LRRTM4: variants seen among roughly 807,000 people sequenced by gnomAD.
The protein encoded by LRRTM4 is leucine rich repeat transmembrane neuronal 4.
In LRRTM4, 25 loss-of-function variants were observed where a neutral mutation model predicts 47.6. The observed-to-expected ratio is 0.53, with a 90% CI of 0.38 to 0.73. LRRTM4 has a LOEUF of 0.73. Ranked by LOEUF, LRRTM4 falls within the 30% of genes least tolerant of loss-of-function variation. LRRTM4 has a pLI of 0.00. For synonymous variants in LRRTM4, 311 were observed against 269.5 expected, an observed-to-expected ratio of 1.15 and a Z score of -1.51; for missense variants, 638 against 713.4, an observed-to-expected ratio of 0.89 and a Z score of 1.20.
intron 3 of LRRTM4, among the ~76,000 whole-genome samples, chr2:77,382,356 G>T (rs1673087328): frequency 6.6e-6 from 1 of 152,066 alleles, no homozygotes; most frequent in Non-Finnish European, 1.5e-5. Flanking sequence ...CCCTGCGCTT[G>T]TCAACATCAG....
intron 3 of LRRTM4, among the ~76,000 whole-genome samples, chr2:77,081,525 G>C (rs1005840707): frequency 8.6e-5 from 13 of 151,948 alleles, no homozygotes; most frequent in African/African-American, 3.1e-4. Context: ...TGTGCACATA[G>C]AGGTAAACAT....
chr2:77,276,577 A>G (rs1676362064), intron 3 of LRRTM4, among the ~76,000 whole-genome samples: 2 of 149,902 alleles, frequency 1.3e-5, no homozygotes, highest in Non-Finnish European at 3.0e-5. Flanking sequence ...ATCGTCTTGC[A>G]TAATTAGTGC....
chr2:77,233,772 C>CTGT (rs139774587), intron 3 of LRRTM4, among the ~76,000 whole-genome samples: 45 of 151,582 alleles, frequency 3.0e-4, no homozygotes, highest in African/African-American at 9.9e-4. Context: ...CTGTTTGTTG[C>CTGT]TGTTGTTGTT....
chr2:77,091,697 C>T (rs199682922), intron 3 of LRRTM4, among the ~76,000 whole-genome samples: 1 of 146,712 alleles, frequency 6.8e-6, no homozygotes, highest in Non-Finnish European at 1.5e-5. Flanking sequence ...GACCCTGACA[C>T]CCATCAAGCT....
chr2:77,460,209 T>A (rs56771200), intron 3 of LRRTM4, among the ~76,000 whole-genome samples: 1 of 152,064 alleles, frequency 6.6e-6, no homozygotes, highest in African/African-American at 2.4e-5. Flanking sequence ...ATATCCCCCA[T>A]GTATTCAAGT....
intron 3 of LRRTM4, among the ~76,000 whole-genome samples, chr2:77,472,809 G>A (rs1677241772): frequency 6.6e-6 from 1 of 152,180 alleles, no homozygotes; most frequent in East Asian, 1.9e-4. Context: ...ACTGTTGAAG[G>A]TGAAGTTGGT....
chr2:77,315,401 A>G lies in LRRTM4; in HGVS notation c.1551+202917T>C, dbSNP rs78725378. 8.1e-3 allele frequency among the ~76,000 whole-genome samples: 1,236 copies of G among 152,302 alleles called. 13 individuals are homozygous for G. The highest frequency in any genetic ancestry group is 0.028 in the African/African-American group (1,170 of 41,558). On this transcript the variant is annotated intron_variant, in intron 3 of 3. Transcript: ENST00000409884. ...CATTTATATATAACTCATATAACATACATAACTAGTATAGATAGTTTTTGT... is the reference window on the plus strand; with the variant it reads ...CATTTATATATAACTCATATAACATGCATAACTAGTATAGATAGTTTTTGT...
chr2:77,251,411 C>A (rs536298731), intron 3 of LRRTM4, among the ~76,000 whole-genome samples: 1 of 151,616 alleles, frequency 6.6e-6, no homozygotes, highest in Non-Finnish European at 1.5e-5. Flanking sequence ...AGAAAGAGAA[C>A]AAGAAGTCAC....
At chr2:77,037,587 C>G (rs1279745725) in intron 3 of LRRTM4, among the ~76,000 whole-genome samples, 1 of 151,702 alleles carries the variant, frequency 6.6e-6, no homozygotes, top group Non-Finnish European at 1.5e-5. Context: ...TTTCACTTAA[C>G]ACATTGTGTC....
Position 76,774,173 on chromosome 2 carries a change from G to A in LRRTM4, c.1552-25257C>T, listed in dbSNP as rs1462400994. On this transcript the variant is annotated intron_variant, in intron 3 of 3. Transcript: ENST00000409884. ...TTACAATAAAGTAAGCTAAAGAAAAGGGAACTTTTTTTTTTTTTATTTTTA... is the reference window on the plus strand; with the variant it reads ...TTACAATAAAGTAAGCTAAAGAAAAAGGAACTTTTTTTTTTTTTATTTTTA... Among the ~76,000 whole-genome samples, 3 of 146,554 alleles carry A rather than the reference G, an allele frequency of 2.0e-5. 1 individual carries two copies. Among genetic ancestry groups the A allele is most frequent in the African/African-American group, 7.6e-5 (3 of 39,570 alleles).
chr2:77,132,147 C>T (rs2103978141), intron 3 of LRRTM4, among the ~76,000 whole-genome samples: 1 of 152,256 alleles, frequency 6.6e-6, no homozygotes, highest in Middle Eastern at 3.4e-3. Context: ...TTCCTCAACC[C>T]ATACAGTCTT....
chr2:77,033,778 G>A (rs1293748654), intron 3 of LRRTM4, among the ~76,000 whole-genome samples: 1 of 151,662 alleles, frequency 6.6e-6, no homozygotes, highest in Non-Finnish European at 1.5e-5. Flanking sequence ...TGGCTTGTTT[G>A]TCTCTTAAAA....
intron 3 of LRRTM4, among the ~76,000 whole-genome samples, chr2:76,834,230 T>C (rs1005834120): frequency 1.3e-5 from 2 of 150,840 alleles, no homozygotes; most frequent in African/African-American, 2.4e-5. Context: ...TTTGTATTTT[T>C]AGTAGAGATG....
chr2:77,379,131 T>C (rs1488455393), intron 3 of LRRTM4, among the ~76,000 whole-genome samples: 1 of 152,154 alleles, frequency 6.6e-6, no homozygotes, highest in African/African-American at 2.4e-5. Flanking sequence ...ATCTAATATG[T>C]ATTTCTTTCA....
chr2:76,987,357 A>G (rs1676839170), intron 3 of LRRTM4: 1 of 151,910 alleles, frequency 6.6e-6, no homozygotes, highest in South Asian at 2.1e-4. Flanking sequence ...ACTCTAAAGA[A>G]TTATCATAAT....
chr2:76,812,327 G>A (rs1429999401), intron 3 of LRRTM4, among the ~76,000 whole-genome samples: 2 of 152,144 alleles, frequency 1.3e-5, no homozygotes, highest in African/African-American at 2.4e-5. Context: ...AGAACTGACA[G>A]AATGAAAACT....
At chr2:76,930,095 T>G (rs1490080819) in intron 3 of LRRTM4, among the ~76,000 whole-genome samples, 5 of 152,142 alleles carry the variant, frequency 3.3e-5, no homozygotes, top group East Asian at 1.9e-4. Context: ...AGTTTCAGGC[T>G]CTGTGTACTA....
At chr2:76,795,983 C>A (rs567342241) in intron 3 of LRRTM4, among the ~76,000 whole-genome samples, 2 of 145,898 alleles carry the variant, frequency 1.4e-5, no homozygotes, top group Non-Finnish European at 3.0e-5. Flanking sequence ...CGAAGCAGGG[C>A]GAGGCATTGC....
At chr2:77,004,420 G>T (rs1573437758) in intron 3 of LRRTM4, among the ~76,000 whole-genome samples, 1 of 152,306 alleles carries the variant, frequency 6.6e-6, no homozygotes, top group East Asian at 1.9e-4. Flanking sequence ...AGCCTCAGCA[G>T]CTTCCACATG....
Sources: allele counts gnomAD v4.1 joint callset (sites outside exome capture counted in the v4.1 genomes callset), GRCh38; gene constraint gnomAD v4.1.1; transcripts MANE v1.5; gene names NCBI Gene and HGNC (gene_info 2026-07-23, HGNC 2026-07-21).